DNAAF4: variants seen among roughly 807,000 people sequenced by gnomAD.
The protein encoded by DNAAF4 is dynein assembly factor 4, axonemal.
DNAAF4 carries 43 observed loss-of-function variants against 51.8 expected under a neutral mutation model. That is an observed-to-expected ratio of 0.83 (90% CI 0.65 to 1.07). The LOEUF is 1.07. Among genes scored for constraint, DNAAF4 ranks in the 50% least tolerant of loss-of-function variants. DNAAF4 has a pLI of 0.00. For missense variants in DNAAF4, 581 were observed against 493.0 expected (o/e 1.18, Z -1.69); for synonymous variants, 194 against 165.6 (o/e 1.17, Z -1.32).
intron 6 of DNAAF4, among the ~76,000 whole-genome samples, chr15:55,442,028 AT>A (rs1333800172): frequency 6.6e-6 from 1 of 152,116 alleles, no homozygotes; most frequent in Non-Finnish European, 1.5e-5. Context: ...GTTTTCTAGC[AT>A]TTTCAAGTTT....
chr15:55,492,046 G>A (rs1244182164), intron 3 of DNAAF4, among the ~76,000 whole-genome samples: 1 of 151,098 alleles, frequency 6.6e-6, no homozygotes, highest in East Asian at 1.9e-4. Context: ...ATGTAGAGAC[G>A]AGGTCTCACT....
At chr15:55,470,198 C>T (rs1036833173) in intron 4 of DNAAF4, among the ~76,000 whole-genome samples, 1 of 152,070 alleles carries the variant, frequency 6.6e-6, no homozygotes, top group South Asian at 2.1e-4. Context: ...TCTACAGGCA[C>T]ATACCACCAC....
intron 4 of DNAAF4, among the ~76,000 whole-genome samples, chr15:55,473,198 A>AAAATATATATATAAAAAT: frequency 1.3e-5 from 1 of 75,744 alleles, no homozygotes; most frequent in East Asian, 4.1e-4. Context: ...AAAAAAAAAA[A>AAAATATATATATAAAAAT]ATATATATAT....
chr15:55,486,313 C>T (rs1380087073), intron 4 of DNAAF4, among the ~76,000 whole-genome samples: 1 of 151,742 alleles, frequency 6.6e-6, no homozygotes, highest in East Asian at 2.0e-4. Flanking sequence ...CCTGCCTCAA[C>T]CTCCAGAGTA....
At chr15:55,418,839 G>C (rs1387456409) in intron 7 of DNAAF4, 1 of 243,488 alleles carries the variant, frequency 4.1e-6, no homozygotes. Flanking sequence ...TATCTATTGA[G>C]TATACTTATC....
chr15:55,451,890 A>G (rs1040928101), intron 5 of DNAAF4, among the ~76,000 whole-genome samples: 3 of 152,104 alleles, frequency 2.0e-5, no homozygotes, highest in Non-Finnish European at 2.9e-5. Context: ...CAAAGTGCTG[A>G]GATTACAGGT....
intron 5 of DNAAF4, among the ~76,000 whole-genome samples, chr15:55,464,123 G>A (rs189205187): frequency 1.8e-4 from 27 of 152,278 alleles, no homozygotes; most frequent in Admixed American, 1.5e-3. Flanking sequence ...TAGGCCAATG[G>A]AACAGAATAG....
intron 5 of DNAAF4, among the ~76,000 whole-genome samples, chr15:55,460,930 A>T (rs939541826): frequency 2.0e-5 from 3 of 151,770 alleles, no homozygotes; most frequent in Non-Finnish European, 2.9e-5. Context: ...ACACCAGCCT[A>T]ATTTTTGTAT....
At position 55,443,005 on chromosome 15, in the gene DNAAF4, T is replaced by C. The variant is rs1164686920; in HGVS notation, c.784-3424A>G. 5 of 1,611,348 alleles carry C rather than the reference T, an allele frequency of 3.1e-6. No homozygotes were observed. The African/African-American group carries it at 6.7e-5, about 22-fold the overall frequency. ...CATCACGTATTCAAAGCCCAGGCCATCATCAAAGCTTCTGGTGAAGAGCTG... is the reference window on the plus strand; with the variant it reads ...CATCACGTATTCAAAGCCCAGGCCACCATCAAAGCTTCTGGTGAAGAGCTG... On this transcript the variant is annotated intron_variant, in intron 6 of 9. Coordinates refer to ENST00000321149, the MANE Select transcript of DNAAF4 (RefSeq NM_130810.4).
In DNAAF4 at chr15:55,491,138, T is replaced by C. The variant is rs1156950919; in HGVS notation, c.390A>G (p.Leu130=). The change falls in exon 4 of 10, where the codon CTA becomes CTG. Residue 130 remains leucine, a synonymous_variant. Transcript: ENST00000321149. ...AAKREDQKYA[L]SVMMKIEEEE... ...TGCAACTTACCTTCATCATGACACT[T>C]AGTGCGTATTTTTGATCTTCCCGCT... 8 of 1,613,970 alleles carry C rather than the reference T, an allele frequency of 5.0e-6. No homozygotes were observed. The South Asian group carries it at 5.5e-5, about 11-fold the overall frequency.
chr15:55,497,230 A>G (rs1437418779), intron 3 of DNAAF4, among the ~76,000 whole-genome samples: 1 of 151,924 alleles, frequency 6.6e-6, no homozygotes, highest in African/African-American at 2.4e-5. Flanking sequence ...ATTTCTATAC[A>G]TTTTCTTCTG....
downstream of DNAAF4, among the ~76,000 whole-genome samples, chr15:55,425,502 C>T (rs542910907): frequency 2.0e-4 from 30 of 152,086 alleles, no homozygotes; most frequent in Non-Finnish European, 3.1e-4. Flanking sequence ...TATTCTCAGG[C>T]CTCACAGGAA....
intron 5 of DNAAF4, among the ~76,000 whole-genome samples, chr15:55,466,713 T>C (rs898332301): frequency 6.6e-6 from 1 of 152,216 alleles, no homozygotes; most frequent in East Asian, 1.9e-4. Flanking sequence ...GACACTCTTC[T>C]TTTCGAATCC....
downstream of DNAAF4, chr15:55,430,271 T>C (rs2057473528): frequency 1.8e-6 from 1 of 556,862 alleles, no homozygotes; most frequent in African/African-American, 2.0e-5. Flanking sequence ...AAGTCAACCA[T>C]TCAGTCAATT....
chr15:55,446,767 G>GCA (rs2057830221), intron 6 of DNAAF4, among the ~76,000 whole-genome samples: 1 of 139,738 alleles, frequency 7.2e-6, no homozygotes. Context: ...ACAGGGTGGT[G>GCA]GCCAGGCAGA....
At chr15:55,482,114 G>A (rs1049686937) in intron 4 of DNAAF4, among the ~76,000 whole-genome samples, 1 of 152,092 alleles carries the variant, frequency 6.6e-6, no homozygotes, top group African/African-American at 2.4e-5. Context: ...TCGTTGTTTT[G>A]TTCTTTTATT....
intron 4 of DNAAF4, among the ~76,000 whole-genome samples, chr15:55,488,791 G>C (rs1183638188): frequency 1.3e-5 from 2 of 151,992 alleles, no homozygotes; most frequent in African/African-American, 4.8e-5. Flanking sequence ...TCATACATTA[G>C]TAAATTGAAA....
At chr15:55,457,736 T>G (rs924981848) in intron 5 of DNAAF4, among the ~76,000 whole-genome samples, 4 of 152,142 alleles carry the variant, frequency 2.6e-5, no homozygotes. Flanking sequence ...ACTTCACTGC[T>G]TACATAACCA....
At chr15:55,441,060 G>A (rs1195517221) in intron 6 of DNAAF4, among the ~76,000 whole-genome samples, 1 of 151,704 alleles carries the variant, frequency 6.6e-6, no homozygotes, top group African/African-American at 2.4e-5. Flanking sequence ...CTTTCTGGGA[G>A]TTCATATGAT....
Sources: allele counts gnomAD v4.1 joint callset (sites outside exome capture counted in the v4.1 genomes callset), GRCh38; gene constraint gnomAD v4.1.1; transcripts MANE v1.5; gene names NCBI Gene and HGNC (gene_info 2026-07-23, HGNC 2026-07-21).